TSGA13: variants seen among roughly 807,000 people sequenced by gnomAD.
The protein encoded by TSGA13 is testis-specific gene 13 protein.
TSGA13 carries 37 observed loss-of-function variants against 35.1 expected under a neutral mutation model. That is an observed-to-expected ratio of 1.05 (90% CI 0.81 to 1.39). The LOEUF is 1.39. Among genes scored for constraint, TSGA13 ranks in the 40% most tolerant of loss-of-function variants. The pLI, the probability that TSGA13 is intolerant of heterozygous loss-of-function variation, is 0.00. For synonymous variants in TSGA13, 124 were observed against 121.2 expected (o/e 1.02, Z -0.15); for missense variants, 338 against 328.5 (o/e 1.03, Z -0.22).
chr7:130,683,042 T>A lies in TSGA13; in HGVS notation c.102+552A>T, dbSNP rs188002310. Among the ~76,000 whole-genome samples the A allele has an allele frequency of 1.5e-3, 229 of 152,174 alleles. 1 individual carries two copies. Among genetic ancestry groups the A allele is most frequent in the South Asian group, 5.2e-3 (25 of 4,822 alleles). ...AAGACCTTTTCTCTTACAGGTTTTT[T>A]AAAAAAAATAATTTTAGGGGGAAAT... On this transcript the variant is annotated intron_variant, in intron 3 of 7. Coordinates refer to ENST00000356588, the MANE Select transcript of TSGA13 (RefSeq NM_052933.4).
At chr7:130,685,616 A>C (rs1274047104) in intron 1 of TSGA13, among the ~76,000 whole-genome samples, 1 of 152,234 alleles carries the variant, frequency 6.6e-6, no homozygotes. Flanking sequence ...TGACATTCTA[A>C]TTCCATGATA....
chr7:130,674,142 T>G (rs1796350843), intron 5 of TSGA13, among the ~76,000 whole-genome samples: 1 of 150,758 alleles, frequency 6.6e-6, no homozygotes. Context: ...GAGAGCCTTC[T>G]TCTTTTCTTC....
intron 4 of TSGA13, 130 bp downstream of exon 4, chr7:130,680,816 C>G (rs1796527439): frequency 2.5e-6 from 2 of 813,068 alleles, no homozygotes; most frequent in Middle Eastern, 2.5e-4. Flanking sequence ...CTCTGCCTGC[C>G]TGTCCTAAGA....
At chr7:130,670,483 A>G (rs565898475) in intron 7 of TSGA13, among the ~76,000 whole-genome samples, 7 of 152,306 alleles carry the variant, frequency 4.6e-5, no homozygotes, top group South Asian at 2.1e-4. Flanking sequence ...GGACCCACCA[A>G]TTATATATAT....
intron 7 of TSGA13, among the ~76,000 whole-genome samples, chr7:130,669,884 C>G (rs142668711): frequency 3.9e-5 from 6 of 152,222 alleles, no homozygotes; most frequent in Non-Finnish European, 8.8e-5. Context: ...CTCATTTATT[C>G]TGGGGGTGAA....
chr7:130,670,479 A>G (rs1796237780), intron 7 of TSGA13, among the ~76,000 whole-genome samples: 1 of 152,192 alleles, frequency 6.6e-6, no homozygotes, highest in South Asian at 2.1e-4. Context: ...CTGAGGACCC[A>G]CCAATTATAT....
chr7:130,679,420 G>A, intron 4 of TSGA13, 53 bp from the exon 5 acceptor site: 1 of 1,501,744 alleles, frequency 6.7e-7, no homozygotes, highest in Non-Finnish European at 9.0e-7. Context: ...CCAAGAGCAG[G>A]TTAACAAATC....
intron 5 of TSGA13, among the ~76,000 whole-genome samples, chr7:130,673,281 A>G (rs942755131): frequency 6.6e-6 from 1 of 152,182 alleles, no homozygotes; most frequent in Non-Finnish European, 1.5e-5. Flanking sequence ...CCTCATCCAC[A>G]TTCCATTCTC....
At chr7:130,673,301 A>C (rs551096337) in intron 5 of TSGA13, among the ~76,000 whole-genome samples, 1 of 152,278 alleles carries the variant, frequency 6.6e-6, no homozygotes, top group Admixed American at 6.5e-5. Flanking sequence ...CCTTAATGAG[A>C]AGGCCATGGA....
At chr7:130,670,151 C>T (rs1272543407) in intron 7 of TSGA13, among the ~76,000 whole-genome samples, 1 of 152,148 alleles carries the variant, frequency 6.6e-6, no homozygotes, top group African/African-American at 2.4e-5. Context: ...TTGTTTAATA[C>T]CACAGGTTGT....
chr7:130,677,147 C>T (rs916208150), intron 5 of TSGA13, among the ~76,000 whole-genome samples: 8 of 152,198 alleles, frequency 5.3e-5, no homozygotes, highest in African/African-American at 1.9e-4. Flanking sequence ...CTGCCTTGGC[C>T]TCCCAAAGTG....
At chr7:130,675,383 G>C (rs1238880610) in intron 5 of TSGA13, among the ~76,000 whole-genome samples, 11 of 148,004 alleles carry the variant, frequency 7.4e-5, no homozygotes, top group South Asian at 2.2e-4. Flanking sequence ...TCTTTTTTTG[G>C]GGGGGGTGGG....
chr7:130,675,159 T>C (rs1554463956), intron 5 of TSGA13, among the ~76,000 whole-genome samples: 1 of 151,988 alleles, frequency 6.6e-6, no homozygotes, highest in Non-Finnish European at 1.5e-5. Context: ...CCTACTTTCT[T>C]CCTATCTGCT....
chr7:130,670,621 GTTGT>G (rs1190996894), intron 7 of TSGA13, among the ~76,000 whole-genome samples: 7 of 151,972 alleles, frequency 4.6e-5, no homozygotes, highest in East Asian at 3.9e-4. Context: ...TCTTGTTATT[GTTGT>G]TTGTTTGTTT....
At chr7:130,685,522 A>T (rs1020318334) in intron 1 of TSGA13, among the ~76,000 whole-genome samples, 162 bp from the exon 2 acceptor site, 1 of 152,234 alleles carries the variant, frequency 6.6e-6, no homozygotes, top group Non-Finnish European at 1.5e-5. Context: ...ATACATGCTA[A>T]TATATTAGGT....
chr7:130,673,140 A>C (rs1032568382), intron 5 of TSGA13, among the ~76,000 whole-genome samples: 5 of 152,240 alleles, frequency 3.3e-5, no homozygotes, highest in African/African-American at 1.2e-4. Context: ...GGCCCTTGGA[A>C]GTGAATGGCA....
rs1554464662 is a variant in TSGA13 at position 130,679,241 on chromosome 7, T to C, written c.301A>G (p.Asn101Asp). 5 of 1,614,164 alleles carry C rather than the reference T, an allele frequency of 3.1e-6. No individual in the cohort carries two copies. The highest frequency in any genetic ancestry group is 1.7e-5 in the Admixed American group (1 of 60,006). The change falls in exon 5 of 8, where the codon AAC (asparagine) becomes GAC (aspartate). Residue 101 changes from asparagine (N) to aspartate (D), a missense_variant. Coordinates refer to ENST00000356588, the MANE Select transcript of TSGA13 (RefSeq NM_052933.4). ...GTGATTGAGCAGGGAGGTGGGTTGT[T>C]GGTCATAATCAGTAACGTCTTATCC... ...DQDKTLLIMTNNPPPCSITQQ... is the reference protein window; with the variant it reads ...DQDKTLLIMTDNPPPCSITQQ...
intron 5 of TSGA13, among the ~76,000 whole-genome samples, chr7:130,675,940 A>G (rs2116311426): frequency 6.6e-6 from 1 of 152,324 alleles, no homozygotes; most frequent in South Asian, 2.1e-4. Flanking sequence ...CTCTGGTCTC[A>G]ACTAGGAGTG....
rs1301658953 is a variant in TSGA13 at position 130,668,834 on chromosome 7, G to T, written c.*180C>A. Reference sequence around the variant, plus strand: ...CCCTCCCCGGCCGCCCTCGGCCCCCGGGACGCAGCCACGCCCCCTTCTCCT... The same window carrying T: ...CCCTCCCCGGCCGCCCTCGGCCCCCTGGACGCAGCCACGCCCCCTTCTCCT... On this transcript the variant is annotated 3_prime_UTR_variant, in exon 8 of 8. Transcript: ENST00000356588. The T allele has an allele frequency of 7.8e-7, 1 of 1,287,844 alleles. No individual in the cohort carries two copies. 79.8% of individuals were successfully genotyped at this position (1,287,844 alleles called of 1,614,324 possible).
Sources: gnomAD v4.1 joint callset for allele counts (sites outside exome capture counted in the v4.1 genomes callset) on GRCh38, gnomAD v4.1.1 for gene constraint, MANE v1.5 for transcripts, NCBI Gene and HGNC (gene_info 2026-07-23, HGNC 2026-07-21) for gene names.